Variants in CDH4 observed in about 807,000 individuals in gnomAD.
CDH4 encodes cadherin-4.
Under a neutral mutation model 86.0 loss-of-function variants are expected in CDH4, and 33 were observed. The ratio of observed to expected loss-of-function variants is 0.38; its 90% CI spans 0.29 to 0.51. The LOEUF is 0.51. CDH4 is among the 20% of genes least tolerant of loss of function. The pLI is 0.86. For missense variants in CDH4, 1,114 were observed against 1,307.4 expected, an observed-to-expected ratio of 0.85 and a Z score of 2.28; for synonymous variants, 555 against 549.4, an observed-to-expected ratio of 1.01 and a Z score of -0.14.
At chr20:61,621,015 A>T (rs1359945035) in intron 2 of CDH4, among the ~76,000 whole-genome samples, 1 of 152,180 alleles carries the variant, frequency 6.6e-6, no homozygotes, top group Non-Finnish European at 1.5e-5. Context: ...GTTTGTGGAG[A>T]TTTATCTGTG....
At chr20:61,286,578 CT>C (rs1408208253) in intron 2 of CDH4, among the ~76,000 whole-genome samples, 2 of 152,242 alleles carry the variant, frequency 1.3e-5, no homozygotes, top group Non-Finnish European at 2.9e-5. Context: ...AGCAAACCTC[CT>C]GCTCGGCAGC....
At chr20:61,759,398 A>G (rs1266497229) in intron 3 of CDH4, among the ~76,000 whole-genome samples, 1 of 152,198 alleles carries the variant, frequency 6.6e-6, no homozygotes, top group Non-Finnish European at 1.5e-5. Context: ...CTGAAACGCC[A>G]CATGGTGGAC....
intron 2 of CDH4, among the ~76,000 whole-genome samples, chr20:61,600,828 T>C (rs770900990): frequency 3.3e-5 from 5 of 152,248 alleles, no homozygotes; most frequent in Non-Finnish European, 7.3e-5. Context: ...TGTCACTTCA[T>C]ATTTTTTTAA....
intron 2 of CDH4, among the ~76,000 whole-genome samples, chr20:61,465,501 G>A (rs938828546): frequency 2.8e-4 from 43 of 152,110 alleles, no homozygotes; most frequent in African/African-American, 1.0e-3. Context: ...TCTTGGTGTG[G>A]TGAGGCTCTG....
At chr20:61,555,155 C>T (rs1488320531) in intron 2 of CDH4, among the ~76,000 whole-genome samples, 1 of 152,180 alleles carries the variant, frequency 6.6e-6, no homozygotes, top group African/African-American at 2.4e-5. Context: ...AGGGCACATG[C>T]ATGGGGTTGC....
chr20:61,697,465 G>A (rs1020459418), intron 2 of CDH4, among the ~76,000 whole-genome samples: 5 of 152,178 alleles, frequency 3.3e-5, no homozygotes, highest in African/African-American at 4.8e-5. Context: ...GAGCGTGGTG[G>A]TGGACACTTG....
intron 2 of CDH4, among the ~76,000 whole-genome samples, chr20:61,307,189 A>G (rs1054547499): frequency 6.6e-6 from 1 of 152,214 alleles, no homozygotes; most frequent in Non-Finnish European, 1.5e-5. Flanking sequence ...CGGGGATGCA[A>G]AGGCGGATCT....
intron 2 of CDH4, among the ~76,000 whole-genome samples, chr20:61,563,039 C>T (rs976789359): frequency 6.6e-6 from 1 of 152,216 alleles, no homozygotes; most frequent in Non-Finnish European, 1.5e-5. Flanking sequence ...CCCGGAGCAA[C>T]CTCTCCTGAC....
chr20:61,674,021 C>T (rs541515701), intron 2 of CDH4, among the ~76,000 whole-genome samples: 3 of 152,282 alleles, frequency 2.0e-5, no homozygotes, highest in South Asian at 2.1e-4. Context: ...AAGGCCTGAT[C>T]GGGAACAAAC....
At chr20:61,627,474 C>T (rs1223953937) in intron 2 of CDH4, among the ~76,000 whole-genome samples, 1 of 152,122 alleles carries the variant, frequency 6.6e-6, no homozygotes, top group Non-Finnish European at 1.5e-5. Context: ...CCTGGGGATG[C>T]CAGGAGCACC....
intron 8 of CDH4, among the ~76,000 whole-genome samples, chr20:61,895,256 G>A (rs935584487): frequency 6.6e-6 from 1 of 152,268 alleles, no homozygotes; most frequent in East Asian, 1.9e-4. Context: ...GCTCAGTCAG[G>A]GAGGGGACCG....
intron 15 of CDH4, among the ~76,000 whole-genome samples, chr20:61,936,312 AG>A (rs2055183502): frequency 2.6e-5 from 1 of 38,212 alleles, no homozygotes; most frequent in Non-Finnish European, 4.9e-5. Context: ...AAACCCTCAC[AG>A]CCCCCCACCC....
intron 2 of CDH4, among the ~76,000 whole-genome samples, chr20:61,380,595 G>A (rs1306546510): frequency 6.8e-6 from 1 of 147,952 alleles, no homozygotes; most frequent in Non-Finnish European, 1.5e-5. Context: ...TTGCGATGAT[G>A]AGAAGATAAT....
At chr20:61,642,300 G>A (rs2087019402) in intron 2 of CDH4, among the ~76,000 whole-genome samples, 1 of 152,214 alleles carries the variant, frequency 6.6e-6, no homozygotes, top group South Asian at 2.1e-4. Flanking sequence ...GCACCCTGGG[G>A]TTTGGAATGG....
chr20:61,773,320 A>T (rs759055036), intron 4 of CDH4, 138 bp downstream of exon 4: 38 of 844,984 alleles, frequency 4.5e-5, no homozygotes, highest in Non-Finnish European at 5.8e-5. Context: ...GTAATGAGAT[A>T]AGCCTTACAC....
intron 2 of CDH4, among the ~76,000 whole-genome samples, chr20:61,691,410 T>C (rs1447952830): frequency 6.7e-6 from 1 of 149,370 alleles, no homozygotes; most frequent in Admixed American, 6.6e-5. Context: ...TGCAAGTGGA[T>C]GTGTGGATGT....
chr20:61,357,661 G>T (rs1420949313), intron 2 of CDH4, among the ~76,000 whole-genome samples: 1 of 152,322 alleles, frequency 6.6e-6, no homozygotes, highest in Non-Finnish European at 1.5e-5. Flanking sequence ...TCTCAGTGTA[G>T]GTCCAGTGTT....
At chr20:61,714,138 C>T (rs1196538595) in intron 2 of CDH4, among the ~76,000 whole-genome samples, 1 of 151,806 alleles carries the variant, frequency 6.6e-6, no homozygotes, top group Non-Finnish European at 1.5e-5. Flanking sequence ...GCTCTGCCTC[C>T]CAGGTTCACG....
In CDH4 at chr20:61,708,754, C is replaced by T. The variant is rs546979360; in HGVS notation, c.170-34809C>T. Among the ~76,000 whole-genome samples, 36 of 152,296 alleles carry T rather than the reference C, an allele frequency of 2.4e-4. No homozygotes were observed. The highest frequency in any genetic ancestry group is 4.8e-4 in the Non-Finnish European group (33 of 68,044). On this transcript the variant is annotated intron_variant, in intron 2 of 15. Transcript: ENST00000614565. The surrounding 1 kb of genome is among the most constrained non-coding windows in gnomAD (Gnocchi z 4.5). ...GAGGCGGCGCTGCCTCTGCGGAGGC[C>T]CCTTCTCTGAGTGTGCATCATGGAC...
Sources: allele counts gnomAD v4.1 joint callset (sites outside exome capture counted in the v4.1 genomes callset), GRCh38; gene constraint gnomAD v4.1.1; non-coding constraint Gnocchi (gnomAD v3.1); transcripts MANE v1.5; gene names NCBI Gene and HGNC (gene_info 2026-07-23, HGNC 2026-07-21).